TRAK1: variants seen among roughly 807,000 people sequenced by gnomAD.
TRAK1 encodes trafficking kinesin-binding protein 1.
TRAK1 carries 33 observed loss-of-function variants against 92.1 expected under a neutral mutation model. The observed-to-expected ratio is 0.36, with a 90% confidence interval of 0.27 to 0.48. TRAK1 has a LOEUF of 0.48. Ranked by LOEUF, TRAK1 falls within the 20% of genes least tolerant of loss-of-function variation. The probability of loss-of-function intolerance (pLI) is 0.99; values close to 1 mark genes in which losing one functional copy is unlikely to be tolerated. For synonymous variants in TRAK1, 521 were observed against 517.3 expected (o/e 1.01, Z -0.10); for missense variants, 1,123 against 1,257.9 (o/e 0.89, Z 1.62).
At chr3:42,112,532 C>T (rs1033769914) in intron 1 of TRAK1, among the ~76,000 whole-genome samples, 3 of 151,256 alleles carry the variant, frequency 2.0e-5, no homozygotes, top group South Asian at 2.1e-4. Context: ...CTCAGGAGTT[C>T]GAGACCAGCC....
chr3:42,195,246 T>C (rs980411185), intron 10 of TRAK1, among the ~76,000 whole-genome samples: 1 of 152,336 alleles, frequency 6.6e-6, no homozygotes, highest in South Asian at 2.1e-4. Context: ...CTCATACAGG[T>C]TGAGCATCTC....
At chr3:42,056,909 C>A (rs1703225542) in intron 1 of TRAK1, among the ~76,000 whole-genome samples, 1 of 152,150 alleles carries the variant, frequency 6.6e-6, no homozygotes, top group Admixed American at 6.5e-5. Flanking sequence ...AAATAAAAAT[C>A]TTGTGTGAGA....
chr3:42,144,814 T>A (rs184387821), intron 2 of TRAK1, among the ~76,000 whole-genome samples: 1 of 140,690 alleles, frequency 7.1e-6, no homozygotes, highest in East Asian at 1.9e-4. Context: ...GGAGAAAACA[T>A]TTGCAAAGAG....
Position 42,225,675 on chromosome 3 carries a change from G to A in TRAK1, c.*1938G>A, listed in dbSNP as rs1710696344. The A allele has an allele frequency of 6.6e-6, 1 of 152,154 alleles. No individual in the cohort carries two copies. Among genetic ancestry groups the A allele is most frequent in the Non-Finnish European group, 1.5e-5 (1 of 68,016 alleles). The allele number at this position is 152,154 out of a possible 1,614,324, so 9.4% of individuals were successfully genotyped here. A position where few individuals can be genotyped will look rare whatever the true frequency, so the allele number is the denominator to read the frequency against. On this transcript the variant is annotated 3_prime_UTR_variant, in exon 16 of 16. Transcript: ENST00000327628. Reference sequence around the variant, plus strand: ...AGTAAATAAATAAACGGTCAACATTGTGCAACCACTACCAAAAAGTGTGTT... The same window carrying A: ...AGTAAATAAATAAACGGTCAACATTATGCAACCACTACCAAAAAGTGTGTT...
At chr3:42,217,564 G>A (rs1396970048) in intron 14 of TRAK1, 1 of 985,302 alleles carries the variant, frequency 1.0e-6, no homozygotes, top group East Asian at 1.1e-4. Flanking sequence ...GGAGGAGGAA[G>A]TGAACATTTG....
At chr3:42,183,888 T>C (rs2149391302) in intron 3 of TRAK1, among the ~76,000 whole-genome samples, 1 of 152,316 alleles carries the variant, frequency 6.6e-6, no homozygotes, top group South Asian at 2.1e-4. Flanking sequence ...GACGTCTTTT[T>C]TCCCACAGAG....
intron 1 of TRAK1, among the ~76,000 whole-genome samples, chr3:42,032,708 A>T (rs984542815): frequency 6.6e-6 from 1 of 152,132 alleles, no homozygotes; most frequent in Non-Finnish European, 1.5e-5. Flanking sequence ...AACCCCATAA[A>T]ACAAGTGTGG....
At chr3:42,036,669 AGTCCTAAGAGT>A (rs1702337311) in intron 1 of TRAK1, among the ~76,000 whole-genome samples, 2 of 152,238 alleles carry the variant, frequency 1.3e-5, no homozygotes, top group Non-Finnish European at 1.5e-5. Flanking sequence ...GCGTGTTTCT[AGTCCTAAGAGT>A]TACAGACTTC....
intron 1 of TRAK1, among the ~76,000 whole-genome samples, chr3:42,079,099 T>G (rs1440106962): frequency 6.6e-6 from 1 of 152,246 alleles, no homozygotes; most frequent in Non-Finnish European, 1.5e-5. Flanking sequence ...GATTGGAGCC[T>G]GTTGAGATGC....
chr3:42,151,291 C>T (rs1318991888), intron 2 of TRAK1: 1 of 454,786 alleles, frequency 2.2e-6, no homozygotes, highest in East Asian at 7.0e-5. Context: ...TGAGCGGAGG[C>T]CTGCTCTTAT....
intron 1 of TRAK1, among the ~76,000 whole-genome samples, chr3:42,070,839 G>A (rs1207079252): frequency 6.6e-6 from 1 of 152,182 alleles, no homozygotes. Flanking sequence ...TGTAAGTGGT[G>A]AAATAAGAAT....
rs116765079 is a variant in TRAK1, at chr3:42,097,077, G to A, written c.91+5517G>A. Among the ~76,000 whole-genome samples the A allele has an allele frequency of 1.0e-2, 1,521 of 152,232 alleles. 9 individuals carry two copies. The highest frequency in any genetic ancestry group is 0.02 in the Middle Eastern group (6 of 294). On this transcript the variant is annotated intron_variant, in intron 1 of 15. Transcript: ENST00000327628. ...TGCTTTGAAAGCTTTCTACACACGG[G>A]AACATATACTAAACATATTGTTGCC...
At chr3:42,025,594 A>C (rs890202605) in intron 1 of TRAK1, among the ~76,000 whole-genome samples, 1 of 151,176 alleles carries the variant, frequency 6.6e-6, no homozygotes, top group African/African-American at 2.4e-5. Flanking sequence ...GGACTGCTGG[A>C]TCAGGGTAAC....
At chr3:42,109,917 A>T (rs1296753203) in intron 1 of TRAK1, among the ~76,000 whole-genome samples, 3 of 151,306 alleles carry the variant, frequency 2.0e-5, no homozygotes, top group African/African-American at 7.3e-5. Flanking sequence ...ACACTTGGAC[A>T]CAGGATGGGG....
At chr3:42,168,473 A>G (rs1466403268) in intron 2 of TRAK1, among the ~76,000 whole-genome samples, 1 of 152,220 alleles carries the variant, frequency 6.6e-6, no homozygotes, top group East Asian at 1.9e-4. Flanking sequence ...GAGTTGTGCA[A>G]CCATCACCAT....
chr3:42,221,350 C>T (rs1046464616), intron 15 of TRAK1, among the ~76,000 whole-genome samples: 6 of 152,044 alleles, frequency 3.9e-5, no homozygotes, highest in Non-Finnish European at 7.4e-5. Flanking sequence ...CACCAGCATC[C>T]CCACCCCTGA....
chr3:42,088,442 C>T (rs993464380), upstream of TRAK1, among the ~76,000 whole-genome samples: 14 of 152,190 alleles, frequency 9.2e-5, no homozygotes, highest in African/African-American at 3.1e-4. Flanking sequence ...GACACAGTTC[C>T]AACATCTCCC....
intron 1 of TRAK1, among the ~76,000 whole-genome samples, chr3:42,081,593 G>C (rs1164009063): frequency 1.3e-5 from 2 of 152,168 alleles, no homozygotes; most frequent in Non-Finnish European, 2.9e-5. Flanking sequence ...TTGTGTCTGA[G>C]ATAGAGAGGC....
rs534238998 is a variant in TRAK1 at position 42,154,472 on chromosome 3, CTTAT to C, written c.287-22322_287-22319del. ...ACAGGCGTGAACCACTGCACCCAGC[CTTAT>C]TTATTTATTTATTTATTTAGAGGCA... On this transcript the variant is annotated intron_variant, in intron 2 of 15. Coordinates refer to ENST00000327628, the MANE Select transcript of TRAK1 (RefSeq NM_001042646.3). 1.4e-4 allele frequency among the ~76,000 whole-genome samples: 21 copies of C among 150,534 alleles called. No homozygotes were observed. The East Asian group carries it at 2.2e-3, about 16-fold the overall frequency.
Sources: gnomAD v4.1 joint callset for allele counts (sites outside exome capture counted in the v4.1 genomes callset) on GRCh38, gnomAD v4.1.1 for gene constraint, MANE v1.5 for transcripts, NCBI Gene and HGNC (gene_info 2026-07-23, HGNC 2026-07-21) for gene names.